Variants in STYXL1 observed in about 807,000 individuals in gnomAD.
STYXL1 encodes serine/threonine/tyrosine interacting like 1.
Under a neutral mutation model 36.4 loss-of-function variants are expected in STYXL1, and 32 were observed. The observed-to-expected ratio is 0.88, with a 90% CI of 0.66 to 1.18. The LOEUF (loss-of-function observed/expected upper bound fraction) is 1.18, where lower values mean the gene tolerates loss of function less well. STYXL1 is among the 50% of genes most tolerant of loss of function. The pLI is 0.00. For missense variants in STYXL1, 354 were observed against 394.1 expected (o/e 0.90, Z 0.86); for synonymous variants, 133 against 144.1 (o/e 0.92, Z 0.55).
intron 5 of STYXL1, among the ~76,000 whole-genome samples, chr7:76,012,803 C>T (rs1212029265): frequency 6.6e-6 from 1 of 152,168 alleles, no homozygotes; most frequent in East Asian, 1.9e-4. Flanking sequence ...AAGTGCTAGG[C>T]TTATAGGCGT....
intron 4 of STYXL1, among the ~76,000 whole-genome samples, chr7:76,018,515 C>T (rs1353010896): frequency 1.3e-5 from 2 of 152,072 alleles, no homozygotes; most frequent in African/African-American, 2.4e-5. Context: ...CTCAGCCTCC[C>T]TAGTAGCTGG....
intron 3 of STYXL1, among the ~76,000 whole-genome samples, chr7:76,028,095 C>T (rs898869429): frequency 2.6e-5 from 4 of 152,082 alleles, no homozygotes; most frequent in Non-Finnish European, 5.9e-5. Context: ...AGTACAGTGG[C>T]GTGATCTCAG....
In STYXL1 at chr7:76,000,871, T is replaced by C. The variant is rs1790815383; in HGVS notation, c.810+19A>G. The C allele has an allele frequency of 6.2e-7, 1 of 1,609,262 alleles. No homozygotes were observed. Among genetic ancestry groups the C allele is most frequent in the Non-Finnish European group, 8.5e-7 (1 of 1,175,624 alleles). ...CCAGGGGGTGGCCGTGGTGCGAGCC[T>C]GGCCCGGGGAACGCATACCTGCAAG... On this transcript the variant is annotated intron_variant, in intron 8 of 8. Transcript: ENST00000359697.
intron 1 of STYXL1, among the ~76,000 whole-genome samples, chr7:76,039,358 G>C (rs1221845242): frequency 3.3e-5 from 5 of 151,934 alleles, no homozygotes; most frequent in Admixed American, 3.3e-4. Flanking sequence ...TTACAGGCGT[G>C]AGCCACTGCG....
Position 75,996,377 on chromosome 7 carries a change from G to A in STYXL1, c.*91C>T. The A allele has an allele frequency of 6.2e-7, 1 of 1,610,482 alleles. No individual in the cohort carries two copies. Among genetic ancestry groups the A allele is most frequent in the East Asian group, 2.2e-5 (1 of 44,794 alleles). On this transcript the variant is annotated 3_prime_UTR_variant, in exon 9 of 9. Coordinates refer to ENST00000359697, the MANE Select transcript of STYXL1 (RefSeq NM_001317785.2). ...AGGCAGCAAAGGCCTTCTCCTTCCAGACAAGCCTGGGTATACACACTCTGG... is the reference window on the plus strand; with the variant it reads ...AGGCAGCAAAGGCCTTCTCCTTCCAAACAAGCCTGGGTATACACACTCTGG...
At chr7:75,996,882 C>T (rs1486163617) in intron 8 of STYXL1, among the ~76,000 whole-genome samples, 1 of 152,232 alleles carries the variant, frequency 6.6e-6, no homozygotes, top group Non-Finnish European at 1.5e-5. Context: ...CATGAAACCA[C>T]CTGTGGATGG....
At chr7:76,028,725 G>C (rs1795007510) in intron 2 of STYXL1, 22 bp from the exon 3 acceptor site, 1 of 1,612,710 alleles carries the variant, frequency 6.2e-7, no homozygotes, top group African/African-American at 1.3e-5. Context: ...ACGTATTTAA[G>C]AACTGAATTT....
chr7:75,996,538 C>T lies in STYXL1; in HGVS notation c.872G>A (p.Ser291Asn), dbSNP rs146377154. The T allele has an allele frequency of 1.1e-5, 18 of 1,614,136 alleles. No individual in the cohort carries two copies. The highest frequency in any genetic ancestry group is 1.4e-5 in the Non-Finnish European group (17 of 1,180,054). The change falls in exon 9 of 9, where the codon AGC becomes AAC. Residue 291 changes from serine to asparagine, a missense_variant. Transcript: ENST00000359697. ...AGTCTTCTCCCATTCCAGCAGCTGG[C>T]TCACCAATCCCCGATTTGGACACAT... is the stretch of plus-strand genomic sequence containing the variant. ...NNMCPNRGLV[S>N]QLLEWEKTIL...
At chr7:76,029,080 T>C (rs971013388) in intron 2 of STYXL1, among the ~76,000 whole-genome samples, 1 of 151,278 alleles carries the variant, frequency 6.6e-6, no homozygotes, top group Non-Finnish European at 1.5e-5. Context: ...GATCACACCA[T>C]TGCACTCCAG....
chr7:76,025,800 A>G (rs1451541020), intron 3 of STYXL1, among the ~76,000 whole-genome samples: 4 of 151,876 alleles, frequency 2.6e-5, no homozygotes, highest in African/African-American at 9.7e-5. Context: ...AAACACAAAA[A>G]GACAAAAAGA....
At chr7:76,000,568 G>A (rs1323515577) in intron 8 of STYXL1, 7 of 490,748 alleles carry the variant, frequency 1.4e-5, no homozygotes, top group African/African-American at 1.2e-4. Flanking sequence ...CGCCTGTGCT[G>A]CAGCTCTGGG....
chr7:76,047,886 C>T lies in STYXL1; in HGVS notation c.-229G>A. 4 of 1,398,140 alleles carry T rather than the reference C, an allele frequency of 2.9e-6. No individual in the cohort carries two copies. In the South Asian group the frequency reaches 5.9e-5, roughly 21 times the overall value. 86.6% of individuals were successfully genotyped at this position (1,398,140 alleles called of 1,614,324 possible). ...TCCACCTCTTGGGTGCAGACTGGCC[C>T]TCCCACTCCGACCGCAGGTCCCCCA... On this transcript the variant is annotated 5_prime_UTR_variant, in exon 1 of 9. Coordinates refer to ENST00000359697, the MANE Select transcript of STYXL1 (RefSeq NM_001317785.2).
intron 3 of STYXL1, among the ~76,000 whole-genome samples, chr7:76,026,109 G>A (rs571465284): frequency 5.1e-5 from 7 of 137,442 alleles, no homozygotes; most frequent in African/African-American, 8.1e-5. Context: ...GGATAATGGC[G>A]TTAACCCGGG....
At chr7:76,032,992 G>C (rs1223402779) in intron 1 of STYXL1, among the ~76,000 whole-genome samples, 1 of 152,074 alleles carries the variant, frequency 6.6e-6, no homozygotes, top group African/African-American at 2.4e-5. Context: ...TCTACGTTAA[G>C]GATCCCGACA....
rs543591242 is a variant in STYXL1, at chr7:76,004,124, C to T, written c.600-269G>A. Among the ~76,000 whole-genome samples, 177 of 152,208 alleles carry T rather than the reference C, an allele frequency of 1.2e-3. 8 individuals carry two copies. The South Asian group carries it at 0.035, about 30-fold the overall frequency. The stretch of plus-strand genomic sequence containing the variant: ...TTTTTGTTTGTTTGAGACAGATTCC[C>T]GCTCTGTTGCCCAGGCTGGAGTGCA... On this transcript the variant is annotated intron_variant, in intron 6 of 8. Coordinates refer to ENST00000359697, the MANE Select transcript of STYXL1 (RefSeq NM_001317785.2).
intron 3 of STYXL1, 22 bp from the exon 4 acceptor site, chr7:76,022,014 A>T (rs782243785): frequency 1.0e-4 from 164 of 1,595,568 alleles, no homozygotes; most frequent in Admixed American, 4.0e-4. Flanking sequence ...AAACACACAC[A>T]CACAAGAGAG....
chr7:76,030,800 C>A (rs1354883227), intron 1 of STYXL1, among the ~76,000 whole-genome samples: 6 of 141,072 alleles, frequency 4.3e-5, no homozygotes, highest in Non-Finnish European at 7.6e-5. Context: ...TCACTTGAGG[C>A]CAGGAGTTCA....
At chr7:76,019,940 AAAAAAAG>A (rs1339412588) in intron 4 of STYXL1, among the ~76,000 whole-genome samples, 2 of 151,928 alleles carry the variant, frequency 1.3e-5, no homozygotes, top group African/African-American at 2.4e-5. Context: ...AAAAAAAAAA[AAAAAAAG>A]AAAGAAGGGG....
At chr7:76,009,582 T>G (rs1031671030) in intron 5 of STYXL1, among the ~76,000 whole-genome samples, 18 of 152,190 alleles carry the variant, frequency 1.2e-4, no homozygotes, top group Non-Finnish European at 2.5e-4. Flanking sequence ...AGCTAATTTT[T>G]GTATTTTTAG....
Sources: gnomAD v4.1 joint callset for allele counts (sites outside exome capture counted in the v4.1 genomes callset) on GRCh38, gnomAD v4.1.1 for gene constraint, MANE v1.5 for transcripts, NCBI Gene and HGNC (gene_info 2026-07-23, HGNC 2026-07-21) for gene names.